The following NIPBL variants were observed in gnomAD, a reference collection of about 807,000 sequenced individuals.
The protein encoded by NIPBL is NIPBL cohesin loading factor, also known as nipped-B-like protein.
NIPBL carries 19 observed loss-of-function variants against 321.8 expected under a neutral mutation model. The ratio of observed to expected loss-of-function variants is 0.06; its 90% CI spans 0.04 to 0.09. The LOEUF (loss-of-function observed/expected upper bound fraction) is 0.09. NIPBL is among the 10% of genes least tolerant of loss of function. The pLI, the probability that NIPBL is intolerant of heterozygous loss-of-function variation, is 1.00. For synonymous variants in NIPBL, 1,106 were observed against 1,114.1 expected (o/e 0.99, Z 0.14); for missense variants, 2,210 against 3,327.0 (o/e 0.66, Z 8.26).
chr5:37,047,347 T>C (rs1753087374), intron 38 of NIPBL, among the ~76,000 whole-genome samples: 1 of 152,218 alleles, frequency 6.6e-6, no homozygotes, highest in Non-Finnish European at 1.5e-5. Context: ...TATTAGTCTT[T>C]TGAACAAAAA....
In NIPBL at chr5:37,000,466, A is replaced by G. The variant is rs780034900; in HGVS notation, c.3398A>G (p.His1133Arg). ...RSSGDHRRSG[H>R]SHEGRRSSGG... The stretch of plus-strand genomic sequence containing the variant: ...TCTGGGGATCATAGGAGAAGTGGCC[A>G]CTCTCATGAAGGAAGAAGGAGTTCA... The change falls in exon 12 of 47, where the codon CAC (histidine) becomes CGC (arginine). Residue 1133 changes from histidine (H) to arginine (R), a missense_variant. By Grantham distance (29) the His-to-Arg change is conservative. Coordinates refer to ENST00000282516, the MANE Select transcript of NIPBL (RefSeq NM_133433.4). The G allele has an allele frequency of 8.1e-6, 13 of 1,613,396 alleles. No individual in the cohort carries two copies. The highest frequency in any genetic ancestry group is 1.1e-5 in the Non-Finnish European group (13 of 1,179,552).
chr5:36,883,802 A>G lies in NIPBL; in HGVS notation c.-80+6624A>G, dbSNP rs72734678. On this transcript the variant is annotated intron_variant, in intron 1 of 46. Transcript: ENST00000282516. ...CCAAAGACATCGATCGTCTGAGTGTATGCTCTATGTAATTCAGTTTTTTTT... is the reference window on the plus strand; with the variant it reads ...CCAAAGACATCGATCGTCTGAGTGTGTGCTCTATGTAATTCAGTTTTTTTT... Among the ~76,000 whole-genome samples the G allele has an allele frequency of 2.0e-3, 296 of 151,280 alleles. 2 individuals are homozygous for G. Among genetic ancestry groups the G allele is most frequent in the Admixed American group, 4.5e-3 (69 of 15,216 alleles).
chr5:36,953,451 A>C (rs777603258), intron 1 of NIPBL, among the ~76,000 whole-genome samples, 167 bp from the exon 2 acceptor site: 21 of 152,240 alleles, frequency 1.4e-4, no homozygotes, highest in Non-Finnish European at 2.8e-4. Flanking sequence ...AATGTGTGCA[A>C]AGCACTTTGC....
At chr5:36,950,610 C>G (rs1740179870) in intron 1 of NIPBL, among the ~76,000 whole-genome samples, 1 of 152,104 alleles carries the variant, frequency 6.6e-6, no homozygotes, top group African/African-American at 2.4e-5. Context: ...ATCTACTAAT[C>G]AGTCACCAAT....
At chr5:37,014,829 T>TA in intron 22 of NIPBL, 64 bp downstream of exon 22, 3 of 958,970 alleles carry the variant, frequency 3.1e-6, no homozygotes, top group Admixed American at 1.7e-5. Flanking sequence ...TTCATTTTTT[T>TA]AAAAAGATGA....
chr5:36,956,737 G>C (rs1741006838), intron 3 of NIPBL, among the ~76,000 whole-genome samples: 1 of 140,628 alleles, frequency 7.1e-6, no homozygotes, highest in Admixed American at 7.9e-5. Context: ...TGATTGTTCT[G>C]TCTCAACCTC....
intron 33 of NIPBL, among the ~76,000 whole-genome samples, chr5:37,036,849 T>C (rs1751756191): frequency 6.6e-6 from 1 of 151,974 alleles, no homozygotes; most frequent in African/African-American, 2.4e-5. Flanking sequence ...TCATATAAAA[T>C]TATGTCTCAA....
At chr5:36,932,291 C>T (rs1249487824) in intron 1 of NIPBL, among the ~76,000 whole-genome samples, 3 of 152,162 alleles carry the variant, frequency 2.0e-5, no homozygotes, top group Non-Finnish European at 4.4e-5. Flanking sequence ...AAGTTTTTTA[C>T]ATCATTGTTA....
At chr5:37,041,732 T>G (rs1206928064) in intron 34 of NIPBL, among the ~76,000 whole-genome samples, 1 of 151,984 alleles carries the variant, frequency 6.6e-6, no homozygotes, top group Non-Finnish European at 1.5e-5. Flanking sequence ...ACCCGGCTAA[T>G]TTTTGTATTT....
chr5:37,022,215 A>T (rs763253827), intron 28 of NIPBL, 29 bp from the exon 29 acceptor site: 1 of 1,613,586 alleles, frequency 6.2e-7, no homozygotes, highest in Non-Finnish European at 8.5e-7. Flanking sequence ...TTAGGTATAA[A>T]TTGTTTTTTT....
chr5:37,021,927 C>T, intron 27 of NIPBL, 124 bp from the exon 28 acceptor site: 1 of 755,036 alleles, frequency 1.3e-6, no homozygotes, highest in Non-Finnish European at 2.3e-6. Flanking sequence ...ATCCTTTACT[C>T]ATTTATATAC....
At chr5:37,036,201 GT>G (rs1751664311) in intron 32 of NIPBL, among the ~76,000 whole-genome samples, 177 bp from the exon 33 acceptor site, 1 of 151,202 alleles carries the variant, frequency 6.6e-6, no homozygotes, top group Admixed American at 6.6e-5. Context: ...ATATATTTTT[GT>G]TTTATTAATT....
At chr5:37,007,524 G>A in intron 18 of NIPBL, 50 bp downstream of exon 18, 1 of 1,385,794 alleles carries the variant, frequency 7.2e-7, no homozygotes, top group Non-Finnish European at 1.0e-6. Flanking sequence ...AAATGATTAA[G>A]TCTAGTATAA....
chr5:36,955,987 C>T (rs1050459842), intron 3 of NIPBL, among the ~76,000 whole-genome samples: 3 of 150,218 alleles, frequency 2.0e-5, no homozygotes, highest in Non-Finnish European at 3.0e-5. Context: ...TTTGGGAGGC[C>T]GAGGCAGGTG....
chr5:36,958,127 G>C lies in NIPBL; in HGVS notation c.254G>C (p.Ser85Thr), dbSNP rs1253388106. Residue 85 changes from serine to threonine, a missense_variant, in exon 4 of 47, where the codon AGT becomes ACT. Ser to Thr is a moderately conservative substitution (Grantham distance 58). Transcript: ENST00000282516. The part of the protein sequence containing the change: ...DHIELKDNLG[S>T]DDPEGDIPVL... ...AGAGAGTTGAAAGATAACCTTGGCA[G>C]TGATGACCCAGAAGGTGACATACCA... The C allele has an allele frequency of 6.2e-7, 1 of 1,614,030 alleles. No individual in the cohort carries two copies. Among genetic ancestry groups the C allele is most frequent in the South Asian group, 1.1e-5 (1 of 91,086 alleles).
At position 36,901,114 on chromosome 5, in the gene NIPBL, G is replaced by T. The variant is rs527435265; in HGVS notation, c.-80+23936G>T. ...TCCACCCTTCTCCCACCCTCAAGTA[G>T]GCTTTGGTGTCTCTTGTTTCCTTCT... On this transcript the variant is annotated intron_variant, in intron 1 of 46. Coordinates refer to ENST00000282516, the MANE Select transcript of NIPBL (RefSeq NM_133433.4). 3.3e-5 allele frequency among the ~76,000 whole-genome samples: 5 copies of T among 152,242 alleles called. No homozygotes were observed. In the South Asian group the frequency reaches 1.0e-3, roughly 32 times the overall value.
intron 16 of NIPBL, among the ~76,000 whole-genome samples, chr5:37,005,993 TAA>T (rs1747382124): frequency 6.6e-6 from 1 of 152,140 alleles, no homozygotes; most frequent in African/African-American, 2.4e-5. Flanking sequence ...GCAGAATTTA[TAA>T]AGTCTTTAAA....
chr5:37,033,595 A>C (rs2149713957), intron 32 of NIPBL, among the ~76,000 whole-genome samples: 1 of 150,436 alleles, frequency 6.6e-6, no homozygotes, highest in Non-Finnish European at 1.5e-5. Flanking sequence ...CTCAAAAATC[A>C]ACTCCATATA....
intron 35 of NIPBL, 41 bp downstream of exon 35, chr5:37,044,528 A>C (rs755609077): frequency 3.8e-6 from 6 of 1,599,228 alleles, no homozygotes; most frequent in Middle Eastern, 1.7e-4. Context: ...ATTAGTGTAA[A>C]GTTCTAATGT....
Sources: allele counts gnomAD v4.1 joint callset (sites outside exome capture counted in the v4.1 genomes callset), GRCh38; gene constraint gnomAD v4.1.1; transcripts MANE v1.5; gene names NCBI Gene and HGNC (gene_info 2026-07-23, HGNC 2026-07-21).